Variants in FKBP8 observed in about 807,000 individuals in gnomAD.
FKBP8 encodes FKBP prolyl isomerase 8, also known as peptidyl-prolyl cis-trans isomerase FKBP8.
FKBP8 carries 5 observed loss-of-function variants against 41.7 expected under a neutral mutation model. The observed-to-expected ratio is 0.12, with a 90% CI of 0.06 to 0.25. The LOEUF (loss-of-function observed/expected upper bound fraction) is 0.25. Ranked by LOEUF, FKBP8 falls within the 10% of genes least tolerant of loss-of-function variation. The pLI is 1.00. For synonymous variants in FKBP8, 279 were observed against 254.5 expected (o/e 1.10, Z -0.92); for missense variants, 397 against 563.0 (o/e 0.71, Z 2.98).
Position 18,533,361 on chromosome 19 carries a change from G to C in FKBP8, c.946-14C>G, listed in dbSNP as rs759453786. 6.3e-7 allele frequency: 1 copy of C among 1,595,084 alleles called. No individual in the cohort carries two copies. The highest frequency in any genetic ancestry group is 1.7e-5 in the Admixed American group (1 of 58,044). On this transcript the variant is annotated splice_polypyrimidine_tract_variant and intron_variant, in intron 6 of 8. Coordinates refer to ENST00000608443, the MANE Select transcript of FKBP8 (RefSeq NM_012181.5). ...CTGGGCCAGCACCTGTAAGGGGAAGGGGGTGGCATCACTCTGGACCCATAC... is the reference window on the plus strand; with the variant it reads ...CTGGGCCAGCACCTGTAAGGGGAAGCGGGTGGCATCACTCTGGACCCATAC...
chr19:18,533,011 A>T, intron 7 of FKBP8: 1 of 794,002 alleles, frequency 1.3e-6, no homozygotes, highest in Non-Finnish European at 1.9e-6. Flanking sequence ...CAGGAGACAA[A>T]AGGTTCTGGA....
Position 18,537,760 on chromosome 19 carries a change from G to T in FKBP8, c.786C>A (p.Phe262Leu). ...ITSSAKVDMT[F>L]EEEAQLLQLK... ...ACTGCAGGAGCTGTGCCTCCTCCTC[G>T]AACGTCATGTCCACTATTGGGAGAC... The change falls in exon 6 of 9, where the codon TTC becomes TTA. Residue 262 changes from phenylalanine (F) to leucine (L), a missense_variant. By Grantham distance (22) the Phe-to-Leu change is conservative. Coordinates refer to ENST00000608443, the MANE Select transcript of FKBP8 (RefSeq NM_012181.5). The surrounding 1 kb of genome is among the most constrained non-coding windows in gnomAD (Gnocchi z 4.4). 1 of 1,611,602 alleles carries T rather than the reference G, an allele frequency of 6.2e-7. No individual in the cohort carries two copies. The highest frequency in any genetic ancestry group is 8.5e-7 in the Non-Finnish European group (1 of 1,178,632).
rs1976474172 is a variant in FKBP8 at position 18,532,597 on chromosome 19, C to T, written c.1155+67G>A. 33 of 1,581,366 alleles carry T rather than the reference C, an allele frequency of 2.1e-5. No homozygotes were observed. In the South Asian group the frequency reaches 3.7e-4, roughly 18 times the overall value. On this transcript the variant is annotated intron_variant, in intron 8 of 8. Coordinates refer to ENST00000608443, the MANE Select transcript of FKBP8 (RefSeq NM_012181.5). ...CAGTCTCCGAGGACATCCATGTATG[C>T]AAAATAAAATCCCTCTGCTAGGCGT...
Position 18,538,150 on chromosome 19 carries a change from G to C in FKBP8, c.772+66C>G, listed in dbSNP as rs369307036. ...CTGAGTCTGAGGCTCTCTGGGGCTGGAAGTTTCTGGCACGGAGTGGACACC... is the reference window on the plus strand; with the variant it reads ...CTGAGTCTGAGGCTCTCTGGGGCTGCAAGTTTCTGGCACGGAGTGGACACC... On this transcript the variant is annotated intron_variant, in intron 5 of 8. Coordinates refer to ENST00000608443, the MANE Select transcript of FKBP8 (RefSeq NM_012181.5). The surrounding 1 kb of genome is among the most constrained non-coding windows in gnomAD (Gnocchi z 4.0). 3.4e-6 allele frequency: 5 copies of C among 1,487,002 alleles called. No individual in the cohort carries two copies. The South Asian group carries it at 5.1e-5, about 15-fold the overall frequency. The allele number at this position is 1,487,002 out of a possible 1,614,324, so 92.1% of individuals were successfully genotyped here.
chr19:18,537,487 AC>A lies in FKBP8; in HGVS notation c.945+113del. Reference sequence around the variant, plus strand: ...TCTGGGCCTCAGTTTCTCCACCTGCACCCCACAGAGCTCAGCTGGCTTATAT... The same window carrying A: ...TCTGGGCCTCAGTTTCTCCACCTGCACCCACAGAGCTCAGCTGGCTTATAT... On this transcript the variant is annotated intron_variant, in intron 6 of 8. Coordinates refer to ENST00000608443, the MANE Select transcript of FKBP8 (RefSeq NM_012181.5). This position sits in a 1 kb window ranked among gnomAD's most constrained non-coding sequence, Gnocchi z 4.4. 1.0e-6 allele frequency: 1 copy of A among 980,966 alleles called. No homozygotes were observed. 60.8% of individuals were successfully genotyped at this position (980,966 alleles called of 1,614,324 possible).
intron 1 of FKBP8, chr19:18,542,806 C>T: frequency 3.2e-6 from 3 of 934,604 alleles, no homozygotes; most frequent in South Asian, 2.7e-5. Context: ...ATAACCAACC[C>T]CTCCGTCCCC....
Position 18,531,935 on chromosome 19 carries a change from A to C in FKBP8, c.*234T>G. 1.8e-6 allele frequency: 1 copy of C among 549,562 alleles called. No homozygotes were observed. Among genetic ancestry groups the C allele is most frequent in the Non-Finnish European group, 3.3e-6 (1 of 303,588 alleles). The allele number at this position is 549,562 out of a possible 1,614,324, so 34.0% of individuals were successfully genotyped here. On this transcript the variant is annotated 3_prime_UTR_variant, in exon 9 of 9. Coordinates refer to ENST00000608443, the MANE Select transcript of FKBP8 (RefSeq NM_012181.5). Reference sequence around the variant, plus strand: ...GGCGGAGACCTAGCCCAGCGGGGTAAGGAGGGTGGGGGAAAACTGGGTCTG... The same window carrying C: ...GGCGGAGACCTAGCCCAGCGGGGTACGGAGGGTGGGGGAAAACTGGGTCTG...
rs1165932658 is a variant in FKBP8, at chr19:18,538,808, C to CT, written c.552-373dup. Among the ~76,000 whole-genome samples, 733 of 102,186 alleles carry CT rather than the reference C, an allele frequency of 7.2e-3. 41 individuals are homozygous for CT. The highest frequency in any genetic ancestry group is 0.013 in the African/African-American group (205 of 16,338). 67.0% of individuals were successfully genotyped at this position (102,186 alleles called of 152,430 possible). ...GACTACAGGTGTGCACCACACCCAG[C>CT]TTTTTTTTTTTTTTTTTTTTTTTTT... On this transcript the variant is annotated intron_variant, in intron 4 of 8. Transcript: ENST00000608443. This position sits in a 1 kb window ranked among gnomAD's most constrained non-coding sequence, Gnocchi z 4.0.
Position 18,538,808 on chromosome 19 carries a change from CTTTTTT to C in FKBP8, c.552-378_552-373del, listed in dbSNP as rs1165932658. 2.3e-4 allele frequency among the ~76,000 whole-genome samples: 24 copies of C among 102,190 alleles called. No homozygotes were observed. The highest frequency in any genetic ancestry group is 1.4e-3 in the African/African-American group (23 of 16,342). The allele number at this position is 102,190 out of a possible 152,430, so 67.0% of individuals were successfully genotyped here. A position where few individuals can be genotyped will look rare whatever the true frequency, so the allele number is the denominator to read the frequency against. On this transcript the variant is annotated intron_variant, in intron 4 of 8. Coordinates refer to ENST00000608443, the MANE Select transcript of FKBP8 (RefSeq NM_012181.5). This position sits in a 1 kb window ranked among gnomAD's most constrained non-coding sequence, Gnocchi z 4.0. ...GACTACAGGTGTGCACCACACCCAG[CTTTTTT>C]TTTTTTTTTTTTTTTTTTTTGAGAC...
At chr19:18,541,497 T>C (rs559346964) in intron 2 of FKBP8, among the ~76,000 whole-genome samples, 182 bp downstream of exon 2, 1 of 152,276 alleles carries the variant, frequency 6.6e-6, no homozygotes, top group South Asian at 2.1e-4. Flanking sequence ...CAGCACATTG[T>C]GCATGTGTGT....
In FKBP8 at chr19:18,538,943, T is replaced by C. The variant is rs1976641044; in HGVS notation, c.551+428A>G. 2.0e-5 allele frequency among the ~76,000 whole-genome samples: 3 copies of C among 150,314 alleles called. No individual in the cohort carries two copies. The highest frequency in any genetic ancestry group is 4.4e-5 in the Non-Finnish European group (3 of 67,846). The stretch of plus-strand genomic sequence containing the variant: ...CATTTTCCTGCCTCAACCTCCAGAG[T>C]AGCTGGGACTACAGGCACCCACCAC... On this transcript the variant is annotated intron_variant, in intron 4 of 8. Transcript: ENST00000608443. The surrounding 1 kb of genome is among the most constrained non-coding windows in gnomAD (Gnocchi z 4.0).
At chr19:18,542,672 C>G (rs1413264142) in intron 1 of FKBP8, among the ~76,000 whole-genome samples, 2 of 152,048 alleles carry the variant, frequency 1.3e-5, no homozygotes, top group Non-Finnish European at 2.9e-5. Context: ...AAATCCTTCC[C>G]CAGGAGACCA....
chr19:18,533,862 G>C (rs1248188689), intron 6 of FKBP8, among the ~76,000 whole-genome samples: 2 of 151,238 alleles, frequency 1.3e-5, no homozygotes, highest in East Asian at 3.9e-4. Flanking sequence ...AAAAAAATTA[G>C]CTGGGCGAGG....
rs1458692296 is a variant in FKBP8 at position 18,539,659 on chromosome 19, G to C, written c.354C>G (p.Val118=). Residue 118 remains valine, a synonymous_variant, in exon 3 of 9, where the codon GTC becomes GTG. Transcript: ENST00000608443. ...VPGPPGSSRP[V]KGQVVTVHLQ... is the part of the protein sequence containing the mutation. ...GATGTACGGTGACCACCTGGCCCTT[G>C]ACCGGGCGGCTCGAACCTGGCGGCC... 1.9e-6 allele frequency: 3 copies of C among 1,611,926 alleles called. No individual in the cohort carries two copies. The East Asian group carries it at 6.7e-5, about 36-fold the overall frequency.
intron 6 of FKBP8, among the ~76,000 whole-genome samples, chr19:18,534,223 C>T (rs577471417): frequency 1.3e-3 from 199 of 152,008 alleles, no homozygotes; most frequent in Admixed American, 2.4e-3. Context: ...AGGAGAATGG[C>T]GTGAACCCAG....
At chr19:18,542,931 T>TCC in intron 1 of FKBP8, 1 of 1,201,892 alleles carries the variant, frequency 8.3e-7, no homozygotes, top group South Asian at 1.3e-5. Context: ...TGAGAGACCC[T>TCC]CCCAGCCCCC....
Position 18,542,431 on chromosome 19 carries a change from T to C in FKBP8, c.-25-436A>G, listed in dbSNP as rs539537648. ...GCTGAGCGAAGGGTGCTGGGATTTTTGTGGAGAGGACAGCCTCCGAGGCCT... is the reference window on the plus strand; with the variant it reads ...GCTGAGCGAAGGGTGCTGGGATTTTCGTGGAGAGGACAGCCTCCGAGGCCT... On this transcript the variant is annotated intron_variant, in intron 1 of 8. Coordinates refer to ENST00000608443, the MANE Select transcript of FKBP8 (RefSeq NM_012181.5). The C allele has an allele frequency of 3.4e-5, 6 of 176,954 alleles. No homozygotes were observed. The South Asian group carries it at 6.3e-4, about 19-fold the overall frequency. 11.0% of individuals were successfully genotyped at this position (176,954 alleles called of 1,614,324 possible). A position where few individuals can be genotyped will look rare whatever the true frequency, so the allele number is the denominator to read the frequency against.
chr19:18,532,224 G>A lies in FKBP8; in HGVS notation c.1187C>T (p.Thr396Ile), dbSNP rs1314862907. The change falls in exon 9 of 9, where the codon ACT (threonine) becomes ATT (isoleucine). Residue 396 changes from threonine to isoleucine, a missense_variant. Physicochemically the swap from Thr to Ile is moderately conservative, Grantham distance 89. Transcript: ENST00000608443. Reference protein sequence around the residue: ...SIPWKWLFGATAVALGGVALS... With the variant: ...SIPWKWLFGAIAVALGGVALS... ...TGCCACACCCCCCAAGGCAACAGCA[G>A]TCGCCCCAAACAGCCACTTCCATGG... The A allele has an allele frequency of 6.2e-7, 1 of 1,610,058 alleles. No individual in the cohort carries two copies. Among genetic ancestry groups the A allele is most frequent in the Non-Finnish European group, 8.5e-7 (1 of 1,178,690 alleles).
chr19:18,532,431 C>T (rs946071133), intron 8 of FKBP8, 176 bp from the exon 9 acceptor site: 3 of 888,856 alleles, frequency 3.4e-6, no homozygotes, highest in Non-Finnish European at 5.3e-6. Flanking sequence ...ATGGCCCCTC[C>T]TCCAGGACAC....
Sources: allele counts gnomAD v4.1 joint callset (sites outside exome capture counted in the v4.1 genomes callset), GRCh38; gene constraint gnomAD v4.1.1; non-coding constraint Gnocchi (gnomAD v3.1); transcripts MANE v1.5; gene names NCBI Gene and HGNC (gene_info 2026-07-23, HGNC 2026-07-21).